Variants in PCDHA4 observed in about 807,000 individuals in gnomAD.
PCDHA4 encodes the protein protocadherin alpha 4.
PCDHA4 carries 49 observed loss-of-function variants against 61.4 expected under a neutral mutation model. The ratio of observed to expected loss-of-function variants is 0.80; its 90% CI spans 0.63 to 1.01. The LOEUF (loss-of-function observed/expected upper bound fraction) is 1.01, where lower values mean the gene tolerates loss of function less well. PCDHA4 is among the 50% of genes least tolerant of loss of function. The pLI is 0.00. For missense variants in PCDHA4, 1,254 were observed against 1,235.8 expected (o/e 1.01, Z -0.22); for synonymous variants, 590 against 550.3 (o/e 1.07, Z -1.01).
intron 1 of PCDHA4, chr5:140,871,653 C>G (rs2053243834): frequency 3.2e-6 from 4 of 1,244,250 alleles, no homozygotes; most frequent in Non-Finnish European, 4.4e-6. Flanking sequence ...CCAAATGATA[C>G]ACATCTTCAG....
intron 1 of PCDHA4, chr5:140,857,355 C>T: frequency 6.3e-7 from 1 of 1,598,292 alleles, no homozygotes. Flanking sequence ...CCGCTGTGGG[C>T]CACGGCCAGC....
chr5:140,934,528 G>T (rs782284913), intron 1 of PCDHA4, among the ~76,000 whole-genome samples: 26 of 152,112 alleles, frequency 1.7e-4, no homozygotes, highest in Non-Finnish European at 2.2e-4. Flanking sequence ...CACTTCGAGA[G>T]CTACCGTTCT....
chr5:140,871,191 C>T lies in PCDHA4; in HGVS notation c.2385+61619C>T, dbSNP rs370303558. 1.9e-6 allele frequency: 3 copies of T among 1,613,656 alleles called. 1 individual carries two copies. In the South Asian group the frequency reaches 3.3e-5, roughly 18 times the overall value. On this transcript the variant is annotated intron_variant, in intron 1 of 3. Coordinates refer to ENST00000530339, the MANE Select transcript of PCDHA4 (RefSeq NM_018907.4). ...CAGAGGCTGCGCTGGTGGATGTCAA[C>T]GTGTACCTGATCATCGCCATCTGCG...
chr5:140,882,662 A>G (rs1554175058), intron 1 of PCDHA4: 7 of 1,614,224 alleles, frequency 4.3e-6, no homozygotes, highest in Non-Finnish European at 5.9e-6. Context: ...CAACCCGCCC[A>G]TATTCCCTGA....
At chr5:140,828,503 CAA>C (rs2150156146) in intron 1 of PCDHA4, 9 of 1,614,120 alleles carry the variant, frequency 5.6e-6, no homozygotes, top group East Asian at 4.5e-5. Flanking sequence ...GGTAGAGGAA[CAA>C]AGAGTGCTGA....
intron 1 of PCDHA4, among the ~76,000 whole-genome samples, chr5:140,840,645 G>A (rs1346934445): frequency 2.6e-5 from 4 of 152,068 alleles, no homozygotes; most frequent in Middle Eastern, 3.4e-3. Context: ...TAGAGAAATA[G>A]TGTAAAGAAT....
chr5:140,868,748 T>C (rs991826043), intron 1 of PCDHA4: 2 of 213,606 alleles, frequency 9.4e-6, no homozygotes, highest in Non-Finnish European at 1.9e-5. Context: ...ACAATGCCAT[T>C]TCCATATATA....
intron 1 of PCDHA4, among the ~76,000 whole-genome samples, chr5:140,908,266 C>T (rs1281456045): frequency 1.3e-5 from 2 of 152,144 alleles, no homozygotes; most frequent in African/African-American, 4.8e-5. Context: ...AGGGAACTCC[C>T]CATGAGGCCA....
intron 1 of PCDHA4, among the ~76,000 whole-genome samples, chr5:140,945,598 T>C (rs544036785): frequency 1.3e-5 from 2 of 152,116 alleles, no homozygotes; most frequent in South Asian, 2.1e-4. Flanking sequence ...TTCAAAGCTA[T>C]AATAATCAAA....
intron 1 of PCDHA4, among the ~76,000 whole-genome samples, chr5:140,931,051 G>A (rs1460771235): frequency 6.6e-6 from 1 of 152,134 alleles, no homozygotes; most frequent in African/African-American, 2.4e-5. Flanking sequence ...AAACTTCAAT[G>A]CTGTGTCTGG....
At chr5:140,924,484 A>G (rs1198741385) in intron 1 of PCDHA4, among the ~76,000 whole-genome samples, 1 of 152,184 alleles carries the variant, frequency 6.6e-6, no homozygotes, top group Non-Finnish European at 1.5e-5. Flanking sequence ...TTTTAGTGGA[A>G]CACTGGCATT....
chr5:140,951,983 A>G (rs1043433314), intron 1 of PCDHA4, among the ~76,000 whole-genome samples: 1 of 152,214 alleles, frequency 6.6e-6, no homozygotes, highest in African/African-American at 2.4e-5. Context: ...CAAAAGGGAA[A>G]AACCAGCCAA....
intron 1 of PCDHA4, among the ~76,000 whole-genome samples, chr5:140,909,331 G>T (rs1162078506): frequency 6.6e-6 from 1 of 152,226 alleles, no homozygotes; most frequent in Admixed American, 6.5e-5. Context: ...ATCAATGGTT[G>T]CATACCAGGT....
chr5:140,873,888 T>C (rs1225763068), intron 1 of PCDHA4, among the ~76,000 whole-genome samples: 2 of 152,232 alleles, frequency 1.3e-5, no homozygotes, highest in African/African-American at 4.8e-5. Flanking sequence ...CTTGAACTCC[T>C]GACCTCAGGT....
At chr5:140,887,829 G>A (rs2061597831) in intron 1 of PCDHA4, among the ~76,000 whole-genome samples, 1 of 151,932 alleles carries the variant, frequency 6.6e-6, no homozygotes, top group Non-Finnish European at 1.5e-5. Flanking sequence ...GCCTCATTTT[G>A]AATATCTTTT....
rs1414020840 is a variant in PCDHA4, at chr5:140,920,855, AAAAC to A, written c.2386-58085_2386-58082del. On this transcript the variant is annotated intron_variant, in intron 1 of 3. Transcript: ENST00000530339. ...AAGACCAAATCTAAAAAAAAAAAAA[AAAAC>A]AAACAAACTGTGGCCCTTAGAACTT... Among the ~76,000 whole-genome samples the A allele has an allele frequency of 3.9e-5, 6 of 152,094 alleles. No homozygotes were observed. The East Asian group carries it at 5.8e-4, about 15-fold the overall frequency.
chr5:140,883,289 C>T, intron 1 of PCDHA4: 2 of 1,614,022 alleles, frequency 1.2e-6, no homozygotes, highest in African/African-American at 1.3e-5. Context: ...GGTGGAAGTA[C>T]TAGATGTAAA....
At chr5:140,920,749 C>T (rs145619239) in intron 1 of PCDHA4, among the ~76,000 whole-genome samples, 2 of 151,424 alleles carry the variant, frequency 1.3e-5, no homozygotes, top group Non-Finnish European at 2.9e-5. Context: ...GAGGCTGAGG[C>T]AGGAGAATTG....
chr5:140,942,633 G>T (rs1554215141), intron 1 of PCDHA4, among the ~76,000 whole-genome samples: 1 of 151,380 alleles, frequency 6.6e-6, no homozygotes, highest in Non-Finnish European at 1.5e-5. Context: ...AAAAAAAATG[G>T]CAAAAGAGAT....
Sources: gnomAD v4.1 joint callset for allele counts (sites outside exome capture counted in the v4.1 genomes callset) on GRCh38, gnomAD v4.1.1 for gene constraint, MANE v1.5 for transcripts, NCBI Gene and HGNC (gene_info 2026-07-23, HGNC 2026-07-21) for gene names.